LMAN2: variants seen among roughly 807,000 people sequenced by gnomAD.
LMAN2 encodes the protein lectin, mannose binding 2.
Under a neutral mutation model 39.3 loss-of-function variants are expected in LMAN2, and 22 were observed. The ratio of observed to expected loss-of-function variants is 0.56; its 90% CI spans 0.40 to 0.80. The LOEUF (loss-of-function observed/expected upper bound fraction) is 0.80. LMAN2 is among the 30% of genes least tolerant of loss of function. The probability of loss-of-function intolerance (pLI) is 0.00; values close to 1 mark genes in which losing one functional copy is unlikely to be tolerated. For missense variants in LMAN2, 494 were observed against 505.4 expected (o/e 0.98, Z 0.22); for synonymous variants, 207 against 207.8 (o/e 1.00, Z 0.03).
intron 6 of LMAN2, chr5:177,334,666 G>A (rs188529141): frequency 1.5e-4 from 57 of 383,334 alleles, no homozygotes; most frequent in African/African-American, 1.0e-3. Context: ...GGGGTCTGCC[G>A]CCCTCTTTGA....
At chr5:177,351,145 T>C (rs761505187) in intron 2 of LMAN2, 28 bp downstream of exon 2, 23 of 1,604,096 alleles carry the variant, frequency 1.4e-5, no homozygotes, top group Non-Finnish European at 1.7e-5. Context: ...AACCGCACAG[T>C]ACGCCTATCC....
intron 2 of LMAN2, among the ~76,000 whole-genome samples, chr5:177,340,038 A>T (rs1761528614): frequency 6.6e-6 from 1 of 152,150 alleles, no homozygotes; most frequent in Non-Finnish European, 1.5e-5. Flanking sequence ...TATAATTGGG[A>T]TTCCCGAGTA....
chr5:177,351,635 C>T lies in LMAN2; in HGVS notation c.13G>A (p.Gly5Ser), dbSNP rs944266695. Reference sequence around the variant, plus strand: ...CCCCAGCCCCAACGCCAAATCCAGCCTTCCGCCGCCATTCTCCTCTCCTCT... The same window carrying T: ...CCCCAGCCCCAACGCCAAATCCAGCTTTCCGCCGCCATTCTCCTCTCCTCT... MAAE[G>S]WIWRWGWGRR... Residue 5 changes from glycine to serine, a missense_variant, in exon 1 of 8, where the codon GGC (glycine) becomes AGC (serine). Coordinates refer to ENST00000303127, the MANE Select transcript of LMAN2 (RefSeq NM_006816.3). 4.6e-5 allele frequency: 73 copies of T among 1,592,490 alleles called. No individual in the cohort carries two copies. The highest frequency in any genetic ancestry group is 5.9e-5 in the Non-Finnish European group (69 of 1,171,998).
In LMAN2 at chr5:177,332,539, C is replaced by T. The variant is rs1285612883; in HGVS notation, c.911-293G>A. ...AGCCAGTTAAAACCAGACTCCTGGG[C>T]TCCTCTGAGTCCAACTCTGGATAAG... is the stretch of plus-strand genomic sequence containing the variant. On this transcript the variant is annotated intron_variant, in intron 7 of 7. Coordinates refer to ENST00000303127, the MANE Select transcript of LMAN2 (RefSeq NM_006816.3). This position sits in a 1 kb window ranked among gnomAD's most constrained non-coding sequence, Gnocchi z 6.3. Among the ~76,000 whole-genome samples the T allele has an allele frequency of 6.6e-6, 1 of 152,190 alleles. No homozygotes were observed. The highest frequency in any genetic ancestry group is 6.5e-5 in the Admixed American group (1 of 15,286).
chr5:177,342,050 G>A (rs1319331547), intron 2 of LMAN2, among the ~76,000 whole-genome samples: 1 of 152,102 alleles, frequency 6.6e-6, no homozygotes, highest in East Asian at 1.9e-4. Context: ...TGAATATATA[G>A]AGTAAGATAG....
At chr5:177,347,134 C>T (rs181560233) in intron 2 of LMAN2, among the ~76,000 whole-genome samples, 1 of 152,216 alleles carries the variant, frequency 6.6e-6, no homozygotes, top group Admixed American at 6.5e-5. Context: ...AAAAATATCT[C>T]ACATGTACAA....
rs752756586 is a variant in LMAN2, at chr5:177,351,160, G to C, written c.315+13C>G. ...AACCGCACAGTACGCCTATCCTCTTGAGAACCACTCACCTGGTGGTTCCAG... is the reference window on the plus strand; with the variant it reads ...AACCGCACAGTACGCCTATCCTCTTCAGAACCACTCACCTGGTGGTTCCAG... On this transcript the variant is annotated intron_variant, in intron 2 of 7. Transcript: ENST00000303127. The C allele has an allele frequency of 2.5e-6, 4 of 1,609,312 alleles. No homozygotes were observed. The South Asian group carries it at 3.3e-5, about 13-fold the overall frequency.
Position 177,331,695 on chromosome 5 carries a change from G to A in LMAN2, c.*391C>T, listed in dbSNP as rs117704109. Reference sequence around the variant, plus strand: ...AGGAAGGCCTGGGTTTCCCAGTTCAGGCCTTATCCGTCGCCACACGTGCCA... The same window carrying A: ...AGGAAGGCCTGGGTTTCCCAGTTCAAGCCTTATCCGTCGCCACACGTGCCA... On this transcript the variant is annotated 3_prime_UTR_variant, in exon 8 of 8. Coordinates refer to ENST00000303127, the MANE Select transcript of LMAN2 (RefSeq NM_006816.3). 6.4e-4 allele frequency: 106 copies of A among 164,666 alleles called. No homozygotes were observed. In the East Asian group the frequency reaches 0.016, roughly 25 times the overall value. 10.2% of individuals were successfully genotyped at this position (164,666 alleles called of 1,614,324 possible).
At chr5:177,341,452 C>G (rs900634128) in intron 2 of LMAN2, among the ~76,000 whole-genome samples, 2 of 152,218 alleles carry the variant, frequency 1.3e-5, no homozygotes, top group African/African-American at 4.8e-5. Context: ...GCCTGACACC[C>G]GGCTTCACGG....
At chr5:177,344,398 A>G (rs996966926) in intron 2 of LMAN2, among the ~76,000 whole-genome samples, 8 of 145,624 alleles carry the variant, frequency 5.5e-5, no homozygotes, top group Non-Finnish European at 6.0e-5. Flanking sequence ...CTCCTGCCTC[A>G]GCCTCCTGAG....
intron 2 of LMAN2, among the ~76,000 whole-genome samples, chr5:177,350,869 T>A (rs1416894165): frequency 6.6e-6 from 1 of 152,218 alleles, no homozygotes; most frequent in African/African-American, 2.4e-5. Flanking sequence ...TTTCTGGCTA[T>A]GTAACTTTGG....
At chr5:177,338,398 C>T in intron 3 of LMAN2, 90 bp downstream of exon 3, 1 of 1,032,396 alleles carries the variant, frequency 9.7e-7, no homozygotes. Context: ...CCCCACGAGC[C>T]ACAGGCAGCC....
rs542090196 is a variant in LMAN2, at chr5:177,350,914, A to C, written c.315+259T>G. ...TTTCAAACCTGAGTCTTAGCTTCTC[A>C]GTGGGTAAAATGGAGATAACATTAC... is the stretch of plus-strand genomic sequence containing the variant. On this transcript the variant is annotated intron_variant, in intron 2 of 7. Transcript: ENST00000303127. Among the ~76,000 whole-genome samples, 4 of 152,290 alleles carry C rather than the reference A, an allele frequency of 2.6e-5. No homozygotes were observed. The East Asian group carries it at 7.7e-4, about 29-fold the overall frequency.
intron 2 of LMAN2, among the ~76,000 whole-genome samples, chr5:177,342,289 T>C (rs904763973): frequency 3.3e-5 from 5 of 151,960 alleles, no homozygotes; most frequent in African/African-American, 1.2e-4. Flanking sequence ...GAGGTTTGCT[T>C]GAGCCAAGGA....
Position 177,337,779 on chromosome 5 carries a change from A to G in LMAN2, c.440T>C (p.Val147Ala), listed in dbSNP as rs1761497176. The G allele has an allele frequency of 6.2e-7, 1 of 1,613,700 alleles. No individual in the cohort carries two copies. Among genetic ancestry groups the G allele is most frequent in the South Asian group, 1.1e-5 (1 of 91,022 alleles). The change falls in exon 4 of 8, where the codon GTG becomes GCG. Residue 147 changes from valine to alanine, a missense_variant. Coordinates refer to ENST00000303127, the MANE Select transcript of LMAN2 (RefSeq NM_006816.3). This position sits in a 1 kb window ranked among gnomAD's most constrained non-coding sequence, Gnocchi z 8.2. ...GTGGAAGTTATCTTTGCTTCCAAAC[A>G]CAGGCCCTAGAATTATAAGCAGATG... ...YTRDRLVPGP[V>A]FGSKDNFHGL... is the part of the protein sequence containing the mutation.
chr5:177,337,851 G>C lies in LMAN2; in HGVS notation c.434-66C>G. On this transcript the variant is annotated intron_variant, in intron 3 of 7. Transcript: ENST00000303127. This position sits in a 1 kb window ranked among gnomAD's most constrained non-coding sequence, Gnocchi z 8.2. Reference sequence around the variant, plus strand: ...GAGCCGTCCCATGGGTACCTAAAAGGCAAGCAATGCCAACATGGGTGGGGG... The same window carrying C: ...GAGCCGTCCCATGGGTACCTAAAAGCCAAGCAATGCCAACATGGGTGGGGG... The C allele has an allele frequency of 6.3e-6, 9 of 1,417,868 alleles. No homozygotes were observed. Among genetic ancestry groups the C allele is most frequent in the Non-Finnish European group, 8.9e-6 (9 of 1,014,198 alleles). 87.8% of individuals were successfully genotyped at this position (1,417,868 alleles called of 1,614,324 possible).
chr5:177,350,149 C>A (rs1014343889), intron 2 of LMAN2, among the ~76,000 whole-genome samples: 9 of 151,814 alleles, frequency 5.9e-5, no homozygotes, highest in African/African-American at 1.9e-4. Context: ...AGGCTCGGGG[C>A]AGGAAGGAGA....
Position 177,337,058 on chromosome 5 carries a change from G to A in LMAN2, c.790+78C>T, listed in dbSNP as rs1761484185. On this transcript the variant is annotated intron_variant, in intron 6 of 7. Transcript: ENST00000303127. This position sits in a 1 kb window ranked among gnomAD's most constrained non-coding sequence, Gnocchi z 8.2. ...GAGCTCAGAAACCACATGAAGGCAG[G>A]CAATCAACTGCATGGAAAGCTCCCA... 2 of 1,041,710 alleles carry A rather than the reference G, an allele frequency of 1.9e-6. No individual in the cohort carries two copies. The highest frequency in any genetic ancestry group is 2.1e-4 in the Middle Eastern group (1 of 4,756). 64.5% of individuals were successfully genotyped at this position (1,041,710 alleles called of 1,614,324 possible). A position where few individuals can be genotyped will look rare whatever the true frequency, so the allele number is the denominator to read the frequency against.
At chr5:177,350,451 A>G (rs552217046) in intron 2 of LMAN2, among the ~76,000 whole-genome samples, 2 of 152,202 alleles carry the variant, frequency 1.3e-5, no homozygotes, top group Non-Finnish European at 1.5e-5. Flanking sequence ...CTGCTCACAT[A>G]CTACATACTA....
Sources: gnomAD v4.1 joint callset for allele counts (sites outside exome capture counted in the v4.1 genomes callset) on GRCh38, gnomAD v4.1.1 for gene constraint, Gnocchi (gnomAD v3.1) non-coding constraint, MANE v1.5 for transcripts, NCBI Gene and HGNC (gene_info 2026-07-23, HGNC 2026-07-21) for gene names.